The following PRR16 variants were observed in gnomAD, a reference collection of about 807,000 sequenced individuals.
PRR16 encodes the protein proline rich 16, also known as protein Largen.
Under a neutral mutation model 18.2 loss-of-function variants are expected in PRR16, and 6 were observed. That is an observed-to-expected ratio of 0.33 (90% CI 0.18 to 0.65). The LOEUF (loss-of-function observed/expected upper bound fraction) is 0.65, where lower values mean the gene tolerates loss of function less well. PRR16 is among the 30% of genes least tolerant of loss of function. The pLI is 0.74. For synonymous variants in PRR16, 151 were observed against 147.8 expected (o/e 1.02, Z -0.16); for missense variants, 412 against 376.6 (o/e 1.09, Z -0.78).
intron 1 of PRR16, among the ~76,000 whole-genome samples, chr5:120,536,149 A>G (rs1014752347): frequency 8.5e-5 from 13 of 152,216 alleles, no homozygotes; most frequent in Admixed American, 2.0e-4. Context: ...TAGTTGGCAT[A>G]GTTAGTTAGC....
At chr5:120,640,312 A>T (rs74409828) in intron 1 of PRR16, among the ~76,000 whole-genome samples, 11 of 152,086 alleles carry the variant, frequency 7.2e-5, no homozygotes, top group Non-Finnish European at 1.0e-4. Context: ...GTTGAAAAAA[A>T]ATTCTCATGG....
At chr5:120,666,996 C>G (rs199815650) in intron 1 of PRR16, among the ~76,000 whole-genome samples, 61,505 of 135,402 alleles carry the variant, frequency 0.45, 10,639 homozygotes, top group Middle Eastern at 0.56. Context: ...GGAGGATTCC[C>G]TCTTTTTCTA....
At chr5:120,647,940 A>C (rs1264145111) in intron 1 of PRR16, among the ~76,000 whole-genome samples, 1 of 152,128 alleles carries the variant, frequency 6.6e-6, no homozygotes, top group African/African-American at 2.4e-5. Flanking sequence ...ATGCATATTT[A>C]GCTGTGCAGA....
chr5:120,556,531 T>C lies in PRR16; in HGVS notation c.159+91886T>C, dbSNP rs1440242454. 2.6e-5 allele frequency among the ~76,000 whole-genome samples: 4 copies of C among 151,964 alleles called. No homozygotes were observed. In the East Asian group the frequency reaches 7.7e-4, roughly 29 times the overall value. On this transcript the variant is annotated intron_variant, in intron 1 of 1. Coordinates refer to ENST00000407149, the MANE Select transcript of PRR16 (RefSeq NM_001300783.2). ...ATGCAAAGCTATTTCCTGAGAAGAA[T>C]ACTGGTATAGCCTGTAGATACTCAT...
chr5:120,770,833 T>C, the PRR16 span, among the ~76,000 whole-genome samples: 1 of 151,854 alleles, frequency 6.6e-6, no homozygotes, highest in Admixed American at 6.6e-5. Flanking sequence ...TATAACAAAA[T>C]TGAGATATCA....
At chr5:120,667,837 T>C (rs1756447008) in intron 1 of PRR16, among the ~76,000 whole-genome samples, 1 of 152,168 alleles carries the variant, frequency 6.6e-6, no homozygotes, top group African/African-American at 2.4e-5. Context: ...TTATAATCTC[T>C]GTTCTTTTAC....
intron 1 of PRR16, among the ~76,000 whole-genome samples, chr5:120,477,024 C>T (rs1197314306): frequency 1.3e-5 from 2 of 152,112 alleles, no homozygotes; most frequent in African/African-American, 2.4e-5. Flanking sequence ...AATAATCTTT[C>T]TTCACTTAGC....
the PRR16 span, among the ~76,000 whole-genome samples, chr5:120,733,144 C>A: frequency 6.6e-6 from 1 of 152,004 alleles, no homozygotes; most frequent in East Asian, 1.9e-4. Flanking sequence ...AGTTGTATAT[C>A]CATTTGTTTT....
the PRR16 span, among the ~76,000 whole-genome samples, chr5:120,758,211 T>C: frequency 2.6e-5 from 4 of 152,140 alleles, no homozygotes; most frequent in South Asian, 2.1e-4. Context: ...TTATGAAATA[T>C]GTTACGCAAA....
chr5:120,698,271 G>C, the PRR16 span, among the ~76,000 whole-genome samples: 1 of 151,944 alleles, frequency 6.6e-6, no homozygotes, highest in East Asian at 1.9e-4. Context: ...TTGTCATGTA[G>C]AATGATTGGT....
the PRR16 span, among the ~76,000 whole-genome samples, chr5:120,770,871 A>G: frequency 6.6e-6 from 1 of 150,580 alleles, no homozygotes; most frequent in Non-Finnish European, 1.5e-5. Flanking sequence ...CATACAACTC[A>G]TTTACTAGCT....
chr5:120,616,791 T>C lies in PRR16; in HGVS notation c.160-69163T>C, dbSNP rs573890982. Among the ~76,000 whole-genome samples, 4 of 152,250 alleles carry C rather than the reference T, an allele frequency of 2.6e-5. No individual in the cohort carries two copies. In the South Asian group the frequency reaches 8.3e-4, roughly 32 times the overall value. On this transcript the variant is annotated intron_variant, in intron 1 of 1. Coordinates refer to ENST00000407149, the MANE Select transcript of PRR16 (RefSeq NM_001300783.2). ...TCCAGTGATTTGCTATGGTATACTG[T>C]TTTCAGAAAGAATATGTACTCAGTA...
chr5:120,593,752 A>G lies in PRR16; in HGVS notation c.160-92202A>G, dbSNP rs531666289. Among the ~76,000 whole-genome samples the G allele has an allele frequency of 5.3e-4, 80 of 152,208 alleles. 1 individual carries two copies. In the Middle Eastern group the frequency reaches 0.01, roughly 19 times the overall value. On this transcript the variant is annotated intron_variant, in intron 1 of 1. Coordinates refer to ENST00000407149, the MANE Select transcript of PRR16 (RefSeq NM_001300783.2). ...GATGAACATAGATGCAAAAATCCACAAGAAAATACCAACAAACCGAATCTA... is the reference window on the plus strand; with the variant it reads ...GATGAACATAGATGCAAAAATCCACGAGAAAATACCAACAAACCGAATCTA...
intron 1 of PRR16, among the ~76,000 whole-genome samples, chr5:120,496,005 C>T (rs1750233554): frequency 6.6e-6 from 1 of 151,760 alleles, no homozygotes; most frequent in Non-Finnish European, 1.5e-5. Context: ...TTTTACTTTT[C>T]TGAAAATTTT....
At chr5:120,675,302 G>A (rs922139772) in intron 1 of PRR16, among the ~76,000 whole-genome samples, 1 of 152,150 alleles carries the variant, frequency 6.6e-6, no homozygotes, top group African/African-American at 2.4e-5. Context: ...CAGTGACATT[G>A]TTCCATATTT....
the PRR16 span, among the ~76,000 whole-genome samples, chr5:120,763,768 C>T: frequency 6.6e-6 from 1 of 151,912 alleles, no homozygotes; most frequent in South Asian, 2.1e-4. Flanking sequence ...AGGTGTTTCA[C>T]TTTCTTGGTT....
chr5:120,747,717 A>G, the PRR16 span, among the ~76,000 whole-genome samples: 57 of 152,098 alleles, frequency 3.7e-4, no homozygotes, highest in African/African-American at 1.2e-3. Flanking sequence ...CTAGGCTTTT[A>G]ATCTGTTTAT....
chr5:120,596,763 G>A (rs1204612685), intron 1 of PRR16, among the ~76,000 whole-genome samples: 3 of 150,962 alleles, frequency 2.0e-5, no homozygotes, highest in African/African-American at 7.3e-5. Context: ...TTATTATAAT[G>A]CATTTTTTCT....
intron 1 of PRR16, among the ~76,000 whole-genome samples, chr5:120,681,972 T>G (rs1756987711): frequency 6.6e-6 from 1 of 152,236 alleles, no homozygotes; most frequent in Non-Finnish European, 1.5e-5. Flanking sequence ...AGAGGACACT[T>G]CAGTTCTGAA....
Sources: gnomAD v4.1 joint callset for allele counts (sites outside exome capture counted in the v4.1 genomes callset) on GRCh38, gnomAD v4.1.1 for gene constraint, MANE v1.5 for transcripts, NCBI Gene and HGNC (gene_info 2026-07-23, HGNC 2026-07-21) for gene names.